The following ZNF248 variants were observed in gnomAD, a reference collection of about 807,000 sequenced individuals.
ZNF248 encodes the protein KRAB protein domain.
A neutral mutation model predicts 44.3 loss-of-function variants in ZNF248; 20 were observed. The ratio of observed to expected loss-of-function variants is 0.45; its 90% CI spans 0.32 to 0.66. The LOEUF (loss-of-function observed/expected upper bound fraction) is 0.66. Ranked by LOEUF, ZNF248 falls within the 30% of genes least tolerant of loss-of-function variation. ZNF248 has a pLI of 0.04. For missense variants in ZNF248, 654 were observed against 677.0 expected (o/e 0.97, Z 0.38); for synonymous variants, 224 against 229.0 (o/e 0.98, Z 0.20).
chr10:37,809,740 C>T (rs763296170), intron 6 of ZNF248, among the ~76,000 whole-genome samples: 2 of 152,064 alleles, frequency 1.3e-5, no homozygotes, highest in Non-Finnish European at 2.9e-5. Context: ...TGTTTTCAGT[C>T]ATCTCTAAGT....
At chr10:37,839,362 G>T (rs2057875805) in intron 3 of ZNF248, among the ~76,000 whole-genome samples, 1 of 152,054 alleles carries the variant, frequency 6.6e-6, no homozygotes. Flanking sequence ...GGGTCTACAA[G>T]AAACAATACA....
chr10:37,833,745 T>G (rs933663491), intron 5 of ZNF248, among the ~76,000 whole-genome samples: 4 of 152,190 alleles, frequency 2.6e-5, no homozygotes, highest in African/African-American at 9.6e-5. Flanking sequence ...GAAATAGTTT[T>G]TTTTAATGCT....
rs182631124 is a variant in ZNF248, at chr10:37,834,192, A to G, written c.239-1076T>C. ...TAAAATAATGATAGCAAAAATCTCTATAACATCTCTACCATTTTAAGGCTC... is the reference window on the plus strand; with the variant it reads ...TAAAATAATGATAGCAAAAATCTCTGTAACATCTCTACCATTTTAAGGCTC... On this transcript the variant is annotated intron_variant, in intron 5 of 5. Coordinates refer to ENST00000395867, the MANE Select transcript of ZNF248 (RefSeq NM_021045.3). Among the ~76,000 whole-genome samples the G allele has an allele frequency of 2.6e-4, 39 of 152,308 alleles. No homozygotes were observed. In the East Asian group the frequency reaches 3.5e-3, roughly 14 times the overall value.
intron 6 of ZNF248, chr10:37,803,347 C>T (rs2050070370): frequency 1.3e-5 from 2 of 152,196 alleles, no homozygotes; most frequent in African/African-American, 4.8e-5. Context: ...TAGGCGATGC[C>T]TTCCCCAGAC....
intron 6 of ZNF248, chr10:37,820,690 A>G (rs2053320666): frequency 1.1e-5 from 15 of 1,371,014 alleles, no homozygotes; most frequent in Non-Finnish European, 1.6e-5. Context: ...TTTTCTCGGG[A>G]GTCTCTACTT....
chr10:37,776,348 T>A (rs1478657517), downstream of ZNF248: 2 of 367,854 alleles, frequency 5.4e-6, no homozygotes, highest in Non-Finnish European at 9.7e-6. Context: ...ACCTTCTGGA[T>A]GTGATAACAT....
rs759578635 is a variant in ZNF248 at position 37,832,326 on chromosome 10, T to C, written c.1029A>G (p.Gln343=). 11 of 1,614,108 alleles carry C rather than the reference T, an allele frequency of 6.8e-6. No homozygotes were observed. The highest frequency in any genetic ancestry group is 4.5e-5 in the East Asian group (2 of 44,878). The change falls in exon 6 of 6, where the codon CAA becomes CAG. Residue 343 remains glutamine, a synonymous_variant. Transcript: ENST00000395867. ...AAGACTTTCCCCCCATGTGTACTATTTGATGTTTTAAGAGAGCTGACTTTT... is the reference window on the plus strand; with the variant it reads ...AAGACTTTCCCCCCATGTGTACTATCTGATGTTTTAAGAGAGCTGACTTTT... ...TWEKSALLKH[Q]IVHMGGKSYD...
At chr10:37,767,331 C>T in the ZNF248 span, among the ~76,000 whole-genome samples, 1 of 152,178 alleles carries the variant, frequency 6.6e-6, no homozygotes, top group African/African-American at 2.4e-5. Flanking sequence ...GTCAGATTCA[C>T]CAAAGTTGAA....
At chr10:37,817,524 A>G (rs2052695674) in intron 6 of ZNF248, among the ~76,000 whole-genome samples, 2 of 152,132 alleles carry the variant, frequency 1.3e-5, no homozygotes, top group East Asian at 3.9e-4. Context: ...ACATCTCAGT[A>G]CTCCCACTCA....
intron 6 of ZNF248, among the ~76,000 whole-genome samples, chr10:37,812,734 T>C (rs951663183): frequency 6.6e-6 from 1 of 151,854 alleles, no homozygotes; most frequent in Admixed American, 6.6e-5. Flanking sequence ...ATTCGGCCTC[T>C]AGATGAGGAG....
chr10:37,851,887 G>GT (rs1035053780), intron 3 of ZNF248, among the ~76,000 whole-genome samples: 1 of 151,502 alleles, frequency 6.6e-6, no homozygotes, highest in African/African-American at 2.4e-5. Flanking sequence ...GTTCACAGCA[G>GT]TTTTATTTTT....
intron 6 of ZNF248, among the ~76,000 whole-genome samples, chr10:37,806,584 T>C (rs1037703808): frequency 4.6e-5 from 7 of 152,156 alleles, no homozygotes; most frequent in African/African-American, 1.7e-4. Flanking sequence ...TTTTAATCAA[T>C]TTGTTCATTT....
chr10:37,824,891 T>C (rs970602941), downstream of ZNF248, among the ~76,000 whole-genome samples: 4 of 148,192 alleles, frequency 2.7e-5, no homozygotes, highest in African/African-American at 1.0e-4. Context: ...GGTTTCACCA[T>C]GTTAGCCAGG....
the ZNF248 span, among the ~76,000 whole-genome samples, chr10:37,767,749 T>C: frequency 6.6e-6 from 1 of 152,188 alleles, no homozygotes; most frequent in Non-Finnish European, 1.5e-5. Context: ...AACATCATAA[T>C]GACAGAATCA....
chr10:37,785,529 G>T (rs2047788243), intron 6 of ZNF248, among the ~76,000 whole-genome samples: 1 of 152,306 alleles, frequency 6.6e-6, no homozygotes, highest in East Asian at 1.9e-4. Context: ...ACTTACCTCT[G>T]TCATATGACT....
At position 37,832,980 on chromosome 10, in the gene ZNF248, C is replaced by A. The variant is rs780991259; in HGVS notation, c.375G>T (p.Leu125Phe). 10 of 1,613,544 alleles carry A rather than the reference C, an allele frequency of 6.2e-6. 1 individual carries two copies. The South Asian group carries it at 9.9e-5, about 16-fold the overall frequency. ...NGDRGSKTFN[L>F]GTDPVSLRNY... The stretch of plus-strand genomic sequence containing the variant: ...TTCTTAAAGAAACAGGGTCTGTGCC[C>A]AAATTGAAAGTTTTGCTTCCTCTAT... Residue 125 changes from leucine to phenylalanine, a missense_variant, in exon 6 of 6, where the codon TTG becomes TTT. Physicochemically the swap from Leu to Phe is conservative, Grantham distance 22 (BLOSUM62 0). Transcript: ENST00000395867.
chr10:37,837,696 T>C lies in ZNF248; in HGVS notation c.159A>G (p.Lys53=). The change falls in exon 5 of 6, where the codon AAA becomes AAG. Residue 53 remains lysine (K), a synonymous_variant. Coordinates refer to ENST00000395867, the MANE Select transcript of ZNF248 (RefSeq NM_021045.3). ...GCTCGATCTTAAAGATCACTTCTGGTTTAGTAATGCAATACCCTGTTAAGA... is the reference window on the plus strand; with the variant it reads ...GCTCGATCTTAAAGATCACTTCTGGCTTAGTAATGCAATACCCTGTTAAGA... The part of the protein sequence containing the change: ...NLVSVGYCIT[K]PEVIFKIEQG... 6.2e-7 allele frequency: 1 copy of C among 1,614,024 alleles called. No individual in the cohort carries two copies. The highest frequency in any genetic ancestry group is 8.5e-7 in the Non-Finnish European group (1 of 1,179,976).
At chr10:37,792,249 G>A (rs1055129226) in intron 6 of ZNF248, among the ~76,000 whole-genome samples, 4 of 152,164 alleles carry the variant, frequency 2.6e-5, no homozygotes, top group African/African-American at 9.7e-5. Flanking sequence ...AAGACTGCCA[G>A]GGTGCCATCA....
At chr10:37,855,351 G>C (rs924722141) in intron 3 of ZNF248, among the ~76,000 whole-genome samples, 5 of 151,936 alleles carry the variant, frequency 3.3e-5, no homozygotes, top group Non-Finnish European at 7.4e-5. Flanking sequence ...GAATATATAT[G>C]TACATCTTTT....
Sources: gnomAD v4.1 joint callset for allele counts (sites outside exome capture counted in the v4.1 genomes callset) on GRCh38, gnomAD v4.1.1 for gene constraint, MANE v1.5 for transcripts, NCBI Gene and HGNC (gene_info 2026-07-23, HGNC 2026-07-21) for gene names.